Variants in PRKCB observed in about 807,000 individuals in gnomAD.
The protein encoded by PRKCB is protein kinase C beta, also known as protein kinase C beta type.
In PRKCB, 13 loss-of-function variants were observed where a neutral mutation model predicts 81.5. That is an observed-to-expected ratio of 0.16 (90% confidence interval 0.10 to 0.25). PRKCB has a LOEUF of 0.25. Among genes scored for constraint, PRKCB ranks in the 10% least tolerant of loss-of-function variants. PRKCB has a pLI of 1.00. For synonymous variants in PRKCB, 335 were observed against 321.4 expected (o/e 1.04, Z -0.45); for missense variants, 509 against 875.7 (o/e 0.58, Z 5.29).
rs542064232 is a variant in PRKCB at position 24,219,481 on chromosome 16, G to T, written c.*4665G>T. The T allele has an allele frequency of 2.0e-6, 2 of 986,874 alleles. No homozygotes were observed. Among genetic ancestry groups the T allele is most frequent in the African/African-American group, 1.7e-5 (1 of 57,206 alleles). The allele number at this position is 986,874 out of a possible 1,614,324, so 61.1% of individuals were successfully genotyped here. A position where few individuals can be genotyped will look rare whatever the true frequency, so the allele number is the denominator to read the frequency against. ...ACATGGCCATTCTGCCTTCTTGGGG[G>T]CAGAGTAGATGGGCAGCAGTTCACC... On this transcript the variant is annotated 3_prime_UTR_variant, in exon 17 of 17. Transcript: ENST00000643927.
intron 7 of PRKCB, among the ~76,000 whole-genome samples, chr16:24,112,228 A>G (rs1966684123): frequency 6.6e-6 from 1 of 152,228 alleles, no homozygotes; most frequent in Admixed American, 6.5e-5. Flanking sequence ...TGAAAGGTAG[A>G]AATGCTGGAA....
intron 2 of PRKCB, among the ~76,000 whole-genome samples, chr16:23,972,000 T>C (rs900061779): frequency 6.6e-6 from 1 of 152,154 alleles, no homozygotes; most frequent in Non-Finnish European, 1.5e-5. Context: ...AGCAGCTTTA[T>C]TCATAATAAC....
At chr16:23,915,420 C>T (rs1963722832) in intron 2 of PRKCB, among the ~76,000 whole-genome samples, 1 of 152,112 alleles carries the variant, frequency 6.6e-6, no homozygotes, top group African/African-American at 2.4e-5. Context: ...AGCTGTAGTT[C>T]ACGCCTGTAA....
At chr16:23,978,601 C>T (rs1964654287) in intron 2 of PRKCB, among the ~76,000 whole-genome samples, 1 of 152,150 alleles carries the variant, frequency 6.6e-6, no homozygotes, top group South Asian at 2.1e-4. Flanking sequence ...TAAAATACAT[C>T]ATGGAAATGG....
intron 16 of PRKCB, among the ~76,000 whole-genome samples, chr16:24,205,880 A>C (rs1236011380): frequency 3.9e-5 from 6 of 152,232 alleles, no homozygotes; most frequent in African/African-American, 1.4e-4. Context: ...AATGAACAGG[A>C]TATCTTGACA....
intron 2 of PRKCB, among the ~76,000 whole-genome samples, chr16:23,987,308 C>T (rs1478753548): frequency 6.7e-6 from 1 of 149,928 alleles, no homozygotes; most frequent in African/African-American, 2.4e-5. Flanking sequence ...GTCCTATTTT[C>T]TCCCCACTTG....
intron 2 of PRKCB, chr16:23,963,900 G>C (rs1964455418): frequency 6.6e-6 from 1 of 152,230 alleles, no homozygotes; most frequent in Non-Finnish European, 1.5e-5. Flanking sequence ...CATCACTGTT[G>C]CCTTGAACGT....
At chr16:24,096,681 A>G (rs1371087418) in intron 7 of PRKCB, among the ~76,000 whole-genome samples, 8 of 36,918 alleles carry the variant, frequency 2.2e-4, no homozygotes, top group African/African-American at 6.4e-4. Context: ...ATATATATAT[A>G]TATATATATA....
At chr16:24,144,204 G>A (rs931922915) in intron 9 of PRKCB, among the ~76,000 whole-genome samples, 4 of 152,062 alleles carry the variant, frequency 2.6e-5, no homozygotes, top group South Asian at 2.1e-4. Flanking sequence ...AGAGAACGAA[G>A]GAGAGAGGGA....
intron 5 of PRKCB, among the ~76,000 whole-genome samples, chr16:24,068,404 C>T (rs968358370): frequency 2.0e-5 from 3 of 151,622 alleles, no homozygotes; most frequent in African/African-American, 7.3e-5. Flanking sequence ...GGCCTCCCTC[C>T]TTCTTAGCAG....
chr16:24,151,169 A>C (rs997914494), intron 9 of PRKCB, among the ~76,000 whole-genome samples: 1 of 152,188 alleles, frequency 6.6e-6, no homozygotes, highest in African/African-American at 2.4e-5. Flanking sequence ...TTGAACAAGC[A>C]AATCTCATTT....
At chr16:24,062,254 C>G (rs1266740375) in intron 5 of PRKCB, among the ~76,000 whole-genome samples, 2 of 152,192 alleles carry the variant, frequency 1.3e-5, no homozygotes, top group Non-Finnish European at 2.9e-5. Context: ...GGCCCTCACT[C>G]TCACATCTGG....
At chr16:24,145,380 C>T (rs1356106340) in intron 9 of PRKCB, among the ~76,000 whole-genome samples, 1 of 152,046 alleles carries the variant, frequency 6.6e-6, no homozygotes, top group Non-Finnish European at 1.5e-5. Flanking sequence ...GAGTTCCAGA[C>T]AAGCTGGGGC....
At position 24,219,910 on chromosome 16, in the gene PRKCB, C is replaced by G. The variant is rs1170282979; in HGVS notation, c.*5094C>G. ...ACCCAATGACTGGCGTATCTTGGTC[C>G]TGTGTCTTTCTTCTTACGCTGTGTT... On this transcript the variant is annotated 3_prime_UTR_variant, in exon 17 of 17. Transcript: ENST00000643927. The G allele has an allele frequency of 2.5e-6, 4 of 1,596,536 alleles. No individual in the cohort carries two copies. Among genetic ancestry groups the G allele is most frequent in the Admixed American group, 1.7e-5 (1 of 58,144 alleles).
chr16:23,992,897 G>A (rs1166244659), intron 3 of PRKCB, among the ~76,000 whole-genome samples: 1 of 152,104 alleles, frequency 6.6e-6, no homozygotes, highest in Admixed American at 6.6e-5. Context: ...ATTCTGACAA[G>A]TCTTTTTTTT....
At chr16:23,998,271 C>CTATA (rs1232312752) in intron 3 of PRKCB, among the ~76,000 whole-genome samples, 2 of 152,208 alleles carry the variant, frequency 1.3e-5, no homozygotes, top group Non-Finnish European at 2.9e-5. Flanking sequence ...TTGGACTAAA[C>CTATA]TATACCCCTG....
intron 9 of PRKCB, among the ~76,000 whole-genome samples, chr16:24,153,036 C>A (rs567475926): frequency 9.2e-5 from 14 of 152,180 alleles, no homozygotes; most frequent in African/African-American, 3.1e-4. Context: ...AAGCTCAGCT[C>A]GGAAGCTTCA....
intron 5 of PRKCB, among the ~76,000 whole-genome samples, chr16:24,067,226 T>C (rs547298039): frequency 6.6e-6 from 1 of 152,272 alleles, no homozygotes; most frequent in South Asian, 2.1e-4. Context: ...CTTTTAAACA[T>C]CTTAATAAGT....
At chr16:23,855,826 T>C (rs1962556904) in intron 2 of PRKCB, among the ~76,000 whole-genome samples, 1 of 152,198 alleles carries the variant, frequency 6.6e-6, no homozygotes, top group African/African-American at 2.4e-5. Flanking sequence ...TGGGCTGCTC[T>C]TTGGAAGGCA....
Sources: gnomAD v4.1 joint callset for allele counts (sites outside exome capture counted in the v4.1 genomes callset) on GRCh38, gnomAD v4.1.1 for gene constraint, MANE v1.5 for transcripts, NCBI Gene and HGNC (gene_info 2026-07-23, HGNC 2026-07-21) for gene names.